The following FOXP1 variants were observed in gnomAD, a reference collection of about 807,000 sequenced individuals.
The protein encoded by FOXP1 is forkhead box P1, also known as forkhead box protein P1.
In FOXP1, 15 loss-of-function variants were observed where a neutral mutation model predicts 98.2. The ratio of observed to expected loss-of-function variants is 0.15; its 90% CI spans 0.10 to 0.24. The LOEUF is 0.24. Among genes scored for constraint, FOXP1 ranks in the 10% least tolerant of loss-of-function variants. FOXP1 has a pLI of 1.00. For synonymous variants in FOXP1, 371 were observed against 314.5 expected, an observed-to-expected ratio of 1.18 and a Z score of -1.90; for missense variants, 633 against 848.5, an observed-to-expected ratio of 0.75 and a Z score of 3.15.
chr3:71,269,092 T>C (rs2070056797), intron 5 of FOXP1, among the ~76,000 whole-genome samples: 1 of 140,296 alleles, frequency 7.1e-6, no homozygotes, highest in Admixed American at 7.2e-5. Context: ...GAGTGGGGTT[T>C]TTTTTGTTTT....
At chr3:71,558,339 C>A (rs2046288586) in intron 2 of FOXP1, among the ~76,000 whole-genome samples, 1 of 152,212 alleles carries the variant, frequency 6.6e-6, no homozygotes, top group African/African-American at 2.4e-5. Context: ...CAGAGGTGGA[C>A]CAGACTGGCT....
intron 12 of FOXP1, among the ~76,000 whole-genome samples, chr3:71,011,631 C>T (rs980917301): frequency 6.6e-6 from 1 of 152,048 alleles, no homozygotes; most frequent in Non-Finnish European, 1.5e-5. Context: ...TTTTTCGCTT[C>T]AGCCAATTTA....
At chr3:71,432,830 G>A (rs1209823644) in intron 3 of FOXP1, among the ~76,000 whole-genome samples, 1 of 141,302 alleles carries the variant, frequency 7.1e-6, no homozygotes, top group Admixed American at 7.4e-5. Context: ...AACACTGACA[G>A]GAAATGTGAA....
At chr3:71,486,577 C>T (rs2090667240) in intron 3 of FOXP1, among the ~76,000 whole-genome samples, 1 of 152,154 alleles carries the variant, frequency 6.6e-6, no homozygotes, top group African/African-American at 2.4e-5. Context: ...CCGCACTCTG[C>T]TTTTCATGAC....
intron 6 of FOXP1, among the ~76,000 whole-genome samples, chr3:71,157,180 CA>C (rs1244986436): frequency 6.6e-6 from 1 of 152,058 alleles, no homozygotes; most frequent in African/African-American, 2.4e-5. Flanking sequence ...ATAGGACAAC[CA>C]AACAGGTATA....
intron 2 of FOXP1, among the ~76,000 whole-genome samples, chr3:71,535,372 C>G (rs944436486): frequency 7.2e-5 from 11 of 152,108 alleles, no homozygotes; most frequent in African/African-American, 2.4e-4. Context: ...AGGGGCGAGT[C>G]TGCTGAGAGC....
At chr3:71,090,711 TTTC>T (rs2055715410) in intron 7 of FOXP1, among the ~76,000 whole-genome samples, 1 of 152,162 alleles carries the variant, frequency 6.6e-6, no homozygotes, top group Non-Finnish European at 1.5e-5. Flanking sequence ...CACTCTGTCT[TTTC>T]TTCTCAGCAG....
intron 16 of FOXP1, 107 bp downstream of exon 16, chr3:70,977,536 T>C: frequency 1.1e-6 from 1 of 920,050 alleles, no homozygotes; most frequent in Non-Finnish European, 1.8e-6. Flanking sequence ...TAGAAAAGGT[T>C]TCAGCATGCT....
At chr3:70,972,872 C>T (rs952091709) in intron 17 of FOXP1, among the ~76,000 whole-genome samples, 196 bp from the exon 18 acceptor site, 6 of 152,124 alleles carry the variant, frequency 3.9e-5, no homozygotes, top group South Asian at 2.1e-4. Context: ...ATAAATTAAT[C>T]GTACTTTGGC....
chr3:71,327,935 C>G (rs993723511), intron 4 of FOXP1, among the ~76,000 whole-genome samples: 10 of 152,134 alleles, frequency 6.6e-5, no homozygotes, highest in Admixed American at 2.0e-4. Context: ...AATGTTCTCC[C>G]AGGGTATTCC....
At chr3:71,192,611 T>C (rs532816057) in intron 6 of FOXP1, among the ~76,000 whole-genome samples, 1 of 152,350 alleles carries the variant, frequency 6.6e-6, no homozygotes, top group South Asian at 2.1e-4. Context: ...GATTTTGCCA[T>C]TTTGAATGTG....
At chr3:71,103,381 A>T (rs907267738) in intron 7 of FOXP1, among the ~76,000 whole-genome samples, 1 of 152,190 alleles carries the variant, frequency 6.6e-6, no homozygotes, top group African/African-American at 2.4e-5. Context: ...GTGTAGGGAA[A>T]ACAGATATTG....
chr3:71,468,363 A>G (rs1474525084), intron 3 of FOXP1, among the ~76,000 whole-genome samples: 1 of 152,118 alleles, frequency 6.6e-6, no homozygotes, highest in Non-Finnish European at 1.5e-5. Context: ...AAGGACCCCA[A>G]CATTTCTCCT....
intron 7 of FOXP1, among the ~76,000 whole-genome samples, chr3:71,062,019 G>A (rs947406603): frequency 6.6e-6 from 1 of 152,142 alleles, no homozygotes; most frequent in African/African-American, 2.4e-5. Flanking sequence ...TGTGGAGGTT[G>A]GCTGAAAAGT....
chr3:71,156,629 G>C (rs2108103124), intron 6 of FOXP1, among the ~76,000 whole-genome samples: 1 of 152,354 alleles, frequency 6.6e-6, no homozygotes, highest in East Asian at 1.9e-4. Flanking sequence ...GGCTTGGAAT[G>C]GTGCAGGGGA....
intron 5 of FOXP1, among the ~76,000 whole-genome samples, chr3:71,242,762 A>C (rs1453804424): frequency 1.6e-5 from 1 of 63,334 alleles, no homozygotes; most frequent in East Asian, 5.0e-4. Context: ...TTGCCCAAAA[A>C]GGAAAAAAAA....
At position 70,956,549 on chromosome 3, in the gene FOXP1, G is replaced by C. The variant is rs973653856; in HGVS notation, c.*2698C>G. 5 of 226,246 alleles carry C rather than the reference G, an allele frequency of 2.2e-5. No homozygotes were observed. Among genetic ancestry groups the C allele is most frequent in the Non-Finnish European group, 4.4e-5 (5 of 114,632 alleles). The allele number at this position is 226,246 out of a possible 1,614,324, so 14.0% of individuals were successfully genotyped here. Reference sequence around the variant, plus strand: ...TTGAACTGAGGTATGCGTACTAACAGTTTCTCATGCTGTTATCTTTACTCA... The same window carrying C: ...TTGAACTGAGGTATGCGTACTAACACTTTCTCATGCTGTTATCTTTACTCA... On this transcript the variant is annotated 3_prime_UTR_variant, in exon 21 of 21. Coordinates refer to ENST00000649528, the MANE Select transcript of FOXP1 (RefSeq NM_001349338.3).
At chr3:71,523,209 G>A (rs1364716675) in intron 2 of FOXP1, among the ~76,000 whole-genome samples, 3 of 152,310 alleles carry the variant, frequency 2.0e-5, no homozygotes, top group South Asian at 4.1e-4. Flanking sequence ...CTGCCAGGAG[G>A]TAGGAGAAGG....
At chr3:71,357,298 T>C (rs2078228627) in intron 4 of FOXP1, among the ~76,000 whole-genome samples, 1 of 152,234 alleles carries the variant, frequency 6.6e-6, no homozygotes, top group Non-Finnish European at 1.5e-5. Context: ...AAGAAATGTA[T>C]TTCTCAGATT....
Sources: gnomAD v4.1 joint callset for allele counts (sites outside exome capture counted in the v4.1 genomes callset) on GRCh38, gnomAD v4.1.1 for gene constraint, MANE v1.5 for transcripts, NCBI Gene and HGNC (gene_info 2026-07-23, HGNC 2026-07-21) for gene names.